CDH18: variants seen among roughly 807,000 people sequenced by gnomAD.
The protein encoded by CDH18 is cadherin 18, also known as cadherin-18.
CDH18 carries 31 observed loss-of-function variants against 67.9 expected under a neutral mutation model. The observed-to-expected ratio is 0.46, with a 90% CI of 0.34 to 0.62. The LOEUF is 0.62. Among genes scored for constraint, CDH18 ranks in the 20% least tolerant of loss-of-function variants. The probability of loss-of-function intolerance (pLI) is 0.01; values close to 1 mark genes in which losing one functional copy is unlikely to be tolerated. For synonymous variants in CDH18, 362 were observed against 347.2 expected (o/e 1.04, Z -0.48); for missense variants, 890 against 975.5 (o/e 0.91, Z 1.17).
chr5:20,412,764 A>G (rs1164557884), intron 1 of CDH18, among the ~76,000 whole-genome samples: 2 of 152,212 alleles, frequency 1.3e-5, no homozygotes, highest in African/African-American at 2.4e-5. Flanking sequence ...GAGAAATTCA[A>G]ATTAAAGCCA....
chr5:19,630,551 A>G (rs553567899), intron 5 of CDH18, among the ~76,000 whole-genome samples: 1 of 152,044 alleles, frequency 6.6e-6, no homozygotes, highest in South Asian at 2.1e-4. Context: ...CCATGATACT[A>G]GAGTTTGGAA....
At chr5:20,264,099 A>G (rs1320762268) in intron 1 of CDH18, among the ~76,000 whole-genome samples, 4 of 152,104 alleles carry the variant, frequency 2.6e-5, no homozygotes, top group African/African-American at 9.7e-5. Context: ...ATTATACTTT[A>G]TAAGAACCTC....
At chr5:19,711,687 G>T (rs1027685713) in intron 5 of CDH18, among the ~76,000 whole-genome samples, 124 of 143,316 alleles carry the variant, frequency 8.7e-4, no homozygotes, top group African/African-American at 3.0e-3. Context: ...TGGAAACACC[G>T]CAGAGAAAAG....
At chr5:19,943,976 C>T (rs1194489058) in intron 2 of CDH18, among the ~76,000 whole-genome samples, 1 of 151,950 alleles carries the variant, frequency 6.6e-6, no homozygotes, top group East Asian at 1.9e-4. Context: ...ATACCAAATA[C>T]CAGGAACATA....
chr5:19,761,580 C>A (rs966917871), intron 3 of CDH18, among the ~76,000 whole-genome samples: 1 of 151,644 alleles, frequency 6.6e-6, no homozygotes, highest in Non-Finnish European at 1.5e-5. Flanking sequence ...AACTGCCCAA[C>A]AAAATAAAAG....
intron 5 of CDH18, among the ~76,000 whole-genome samples, chr5:19,719,493 C>T (rs1267131169): frequency 6.6e-6 from 1 of 151,760 alleles, no homozygotes; most frequent in Non-Finnish European, 1.5e-5. Flanking sequence ...TGAAATATCA[C>T]CATTAAAGAA....
chr5:19,713,230 C>A (rs1764937140), intron 5 of CDH18, among the ~76,000 whole-genome samples: 1 of 151,818 alleles, frequency 6.6e-6, no homozygotes, highest in African/African-American at 2.4e-5. Flanking sequence ...TACAATTGAC[C>A]AACATTGATT....
chr5:20,275,092 T>A (rs555055116), intron 1 of CDH18, among the ~76,000 whole-genome samples: 11 of 152,260 alleles, frequency 7.2e-5, no homozygotes, highest in Non-Finnish European at 5.9e-5. Context: ...ATTTTTTTTT[T>A]ATTATTTTCA....
chr5:19,996,599 A>G (rs1297865236), intron 2 of CDH18, among the ~76,000 whole-genome samples: 2 of 151,834 alleles, frequency 1.3e-5, no homozygotes. Context: ...TAACAATACC[A>G]TTTTCTTCTA....
intron 2 of CDH18, among the ~76,000 whole-genome samples, chr5:20,168,070 C>G (rs1014807470): frequency 6.6e-6 from 1 of 152,080 alleles, no homozygotes; most frequent in African/African-American, 2.4e-5. Context: ...AGTCTGGAAA[C>G]CATTTCACAT....
intron 1 of CDH18, among the ~76,000 whole-genome samples, chr5:20,427,111 T>C (rs1236827685): frequency 6.6e-6 from 1 of 151,212 alleles, no homozygotes; most frequent in African/African-American, 2.5e-5. Context: ...TTTTTAAATA[T>C]TTTTATTTGA....
At chr5:19,872,487 A>G (rs936552337) in intron 2 of CDH18, among the ~76,000 whole-genome samples, 3 of 152,204 alleles carry the variant, frequency 2.0e-5, no homozygotes, top group Non-Finnish European at 2.9e-5. Context: ...AAGCCATTCA[A>G]AGAAGGATTG....
Position 20,263,256 on chromosome 5 carries a change from C to T in CDH18, c.-579-7751G>A, listed in dbSNP as rs938850758. On this transcript the variant is annotated intron_variant, in intron 1 of 14. Coordinates refer to the CDH18 transcript ENST00000507958. ...AGCTGTGAGCTACACTAGCTGTTCT[C>T]TCATGGAACATTTTTACCTAGTTTT... Among the ~76,000 whole-genome samples the T allele has an allele frequency of 3.9e-5, 6 of 151,968 alleles. No individual in the cohort carries two copies. The South Asian group carries it at 1.2e-3, about 31-fold the overall frequency.
rs143047311 is a variant in CDH18 at position 19,921,347 on chromosome 5, C to G, written c.-257+59713G>C. On this transcript the variant is annotated intron_variant, in intron 2 of 12. Transcript: ENST00000382275. ...GAGATTGCGACTATCCTGGCTAACA[C>G]AGTGAAACCCTGTCTCTACTAAAAA... Among the ~76,000 whole-genome samples, 697 of 152,064 alleles carry G rather than the reference C, an allele frequency of 4.6e-3. 3 individuals carry two copies. Among genetic ancestry groups the G allele is most frequent in the African/African-American group, 0.016 (667 of 41,490 alleles).
chr5:19,590,372 A>G (rs1016261567), intron 7 of CDH18, among the ~76,000 whole-genome samples: 4 of 152,214 alleles, frequency 2.6e-5, no homozygotes, highest in African/African-American at 7.2e-5. Flanking sequence ...TCAACAGACA[A>G]GTTAATTTTC....
At chr5:19,830,578 C>T (rs1184446536) in intron 3 of CDH18, among the ~76,000 whole-genome samples, 1 of 152,098 alleles carries the variant, frequency 6.6e-6, no homozygotes, top group Non-Finnish European at 1.5e-5. Context: ...AACTTATACA[C>T]TGCTGATGGG....
chr5:20,172,648 T>C (rs921207252), intron 2 of CDH18, among the ~76,000 whole-genome samples: 1 of 151,848 alleles, frequency 6.6e-6, no homozygotes, highest in African/African-American at 2.4e-5. Flanking sequence ...CTTGAAACAG[T>C]GATTACAAAA....
intron 2 of CDH18, among the ~76,000 whole-genome samples, chr5:20,234,408 T>C (rs1311879543): frequency 6.6e-6 from 1 of 152,168 alleles, no homozygotes; most frequent in African/African-American, 2.4e-5. Context: ...GCATTTTTTA[T>C]AATTTCTTCA....
intron 1 of CDH18, among the ~76,000 whole-genome samples, chr5:20,335,450 C>T (rs1436047395): frequency 6.6e-6 from 1 of 151,434 alleles, no homozygotes; most frequent in African/African-American, 2.4e-5. Flanking sequence ...GCTCTGTTGC[C>T]CAGGGTAGTC....
Sources: gnomAD v4.1 joint callset for allele counts (sites outside exome capture counted in the v4.1 genomes callset) on GRCh38, gnomAD v4.1.1 for gene constraint, MANE v1.5 for transcripts, NCBI Gene and HGNC (gene_info 2026-07-23, HGNC 2026-07-21) for gene names.